The following ARHGAP10 variants were observed in gnomAD, a reference collection of about 807,000 sequenced individuals.
ARHGAP10 encodes the protein rho GTPase-activating protein 10.
Under a neutral mutation model 108.6 loss-of-function variants are expected in ARHGAP10, and 87 were observed. The observed-to-expected ratio is 0.80, with a 90% confidence interval of 0.67 to 0.96. ARHGAP10 has a LOEUF of 0.96. Ranked by LOEUF, ARHGAP10 falls within the 40% of genes least tolerant of loss-of-function variation. ARHGAP10 has a pLI of 0.00. For synonymous variants in ARHGAP10, 347 were observed against 341.1 expected, an observed-to-expected ratio of 1.02 and a Z score of -0.19; for missense variants, 939 against 954.5, an observed-to-expected ratio of 0.98 and a Z score of 0.21.
chr4:147,862,334 C>T (rs904346134), intron 5 of ARHGAP10: 2 of 152,686 alleles, frequency 1.3e-5, no homozygotes, highest in Admixed American at 6.5e-5. Context: ...CTTCTTGAGC[C>T]TGCTGGTGGG....
intron 1 of ARHGAP10, among the ~76,000 whole-genome samples, chr4:147,783,560 A>C (rs574662448): frequency 3.0e-4 from 43 of 144,464 alleles, no homozygotes; most frequent in South Asian, 1.6e-3. Context: ...TAGAACACAC[A>C]TTAAATTGTG....
chr4:147,855,032 G>C (rs1374905573), intron 4 of ARHGAP10, among the ~76,000 whole-genome samples: 1 of 152,202 alleles, frequency 6.6e-6, no homozygotes, highest in Non-Finnish European at 1.5e-5. Flanking sequence ...CTGTGATTCA[G>C]ATTAAATCAA....
chr4:147,745,216 G>C (rs937779995), intron 1 of ARHGAP10: 1 of 152,176 alleles, frequency 6.6e-6, no homozygotes, highest in African/African-American at 2.4e-5. Flanking sequence ...TGGCCAAGCA[G>C]AACTGGGAGC....
intron 20 of ARHGAP10, among the ~76,000 whole-genome samples, chr4:148,062,053 C>T (rs12646583): frequency 0.49 from 74,466 of 152,020 alleles, 21,384 homozygotes; most frequent in East Asian, 0.83. Context: ...GAGGTGGGAA[C>T]GCCAGGAAGC....
chr4:147,925,592 A>C (rs1001658838), intron 13 of ARHGAP10, among the ~76,000 whole-genome samples: 1 of 152,164 alleles, frequency 6.6e-6, no homozygotes, highest in African/African-American at 2.4e-5. Context: ...ATTTTGGGGT[A>C]TTTCTTACAG....
intron 10 of ARHGAP10, among the ~76,000 whole-genome samples, chr4:147,893,082 G>A (rs1320302225): frequency 2.6e-5 from 4 of 151,098 alleles, no homozygotes; most frequent in East Asian, 1.9e-4. Flanking sequence ...TTTTTGAGAC[G>A]GAGTCTTGCC....
chr4:147,967,708 A>G (rs1739256343), intron 18 of ARHGAP10, among the ~76,000 whole-genome samples: 1 of 152,226 alleles, frequency 6.6e-6, no homozygotes, highest in Non-Finnish European at 1.5e-5. Flanking sequence ...GGTACTTGCA[A>G]CAGAGACCAG....
At chr4:147,867,708 A>G (rs1437776284) in intron 7 of ARHGAP10, among the ~76,000 whole-genome samples, 3 of 152,058 alleles carry the variant, frequency 2.0e-5, no homozygotes, top group East Asian at 1.9e-4. Context: ...CACTAAAAAT[A>G]CAAACATTAG....
intron 1 of ARHGAP10, among the ~76,000 whole-genome samples, chr4:147,790,485 T>G (rs1260651013): frequency 6.6e-6 from 1 of 152,248 alleles, no homozygotes; most frequent in Non-Finnish European, 1.5e-5. Flanking sequence ...ATTCATACTC[T>G]CAAATATTCT....
intron 1 of ARHGAP10, among the ~76,000 whole-genome samples, chr4:147,763,215 T>A (rs1729658833): frequency 6.6e-6 from 1 of 152,188 alleles, no homozygotes; most frequent in Non-Finnish European, 1.5e-5. Flanking sequence ...GGTCTGATAA[T>A]CTGTAAGTTT....
intron 3 of ARHGAP10, among the ~76,000 whole-genome samples, chr4:147,839,577 G>C (rs906504757): frequency 2.0e-5 from 3 of 152,188 alleles, no homozygotes; most frequent in Non-Finnish European, 4.4e-5. Flanking sequence ...TAGGATGTAG[G>C]TATGCCTTTG....
intron 9 of ARHGAP10, among the ~76,000 whole-genome samples, chr4:147,881,521 C>G (rs1196549754): frequency 6.6e-6 from 1 of 151,974 alleles, no homozygotes. Flanking sequence ...GCCTGTAATC[C>G]CAGCTACTCT....
intron 3 of ARHGAP10, among the ~76,000 whole-genome samples, chr4:147,843,008 A>C (rs1733477608): frequency 6.6e-6 from 1 of 152,244 alleles, no homozygotes; most frequent in Non-Finnish European, 1.5e-5. Context: ...TCTCATGTCC[A>C]AACTCTCTGC....
intron 1 of ARHGAP10, among the ~76,000 whole-genome samples, chr4:147,770,093 C>T (rs1730010528): frequency 6.6e-6 from 1 of 152,214 alleles, no homozygotes; most frequent in Non-Finnish European, 1.5e-5. Context: ...CCATTCCTGT[C>T]CGTCCTTGCC....
At chr4:148,058,038 T>G (rs909391302) in intron 20 of ARHGAP10, among the ~76,000 whole-genome samples, 14 of 152,254 alleles carry the variant, frequency 9.2e-5, no homozygotes, top group Non-Finnish European at 8.8e-5. Flanking sequence ...CCAAACAATG[T>G]GCTTGCGTGT....
At chr4:147,952,206 A>T (rs1005095514) in intron 15 of ARHGAP10, among the ~76,000 whole-genome samples, 11 of 152,150 alleles carry the variant, frequency 7.2e-5, no homozygotes, top group African/African-American at 2.7e-4. Context: ...GTTGCACATA[A>T]AGCTGCTAAA....
intron 10 of ARHGAP10, among the ~76,000 whole-genome samples, chr4:147,892,050 G>C (rs1356787611): frequency 6.6e-6 from 1 of 152,086 alleles, no homozygotes; most frequent in South Asian, 2.1e-4. Context: ...AATGCTTCCC[G>C]TTTTGCTCTC....
At chr4:147,924,518 C>T (rs1156639636) in intron 13 of ARHGAP10, among the ~76,000 whole-genome samples, 1 of 152,170 alleles carries the variant, frequency 6.6e-6, no homozygotes, top group Non-Finnish European at 1.5e-5. Flanking sequence ...GGGTAGTTGT[C>T]AGAAAATGAC....
chr4:147,741,792 G>GCACACACACACACA (rs112095776), intron 1 of ARHGAP10, among the ~76,000 whole-genome samples: 32 of 57,660 alleles, frequency 5.5e-4, no homozygotes, highest in African/African-American at 9.6e-4. Context: ...ACACACACAC[G>GCACACACACACACA]CACACACACA....
Sources: allele counts gnomAD v4.1 joint callset (sites outside exome capture counted in the v4.1 genomes callset), GRCh38; gene constraint gnomAD v4.1.1; transcripts MANE v1.5; gene names NCBI Gene and HGNC (gene_info 2026-07-23, HGNC 2026-07-21).